The following TTLL9 variants were observed in gnomAD, a reference collection of about 807,000 sequenced individuals.
The protein encoded by TTLL9 is probable tubulin polyglutamylase TTLL9.
A neutral mutation model predicts 65.6 loss-of-function variants in TTLL9; 47 were observed. That is an observed-to-expected ratio of 0.72 (90% CI 0.57 to 0.91). The LOEUF (loss-of-function observed/expected upper bound fraction) is 0.91, where lower values mean the gene tolerates loss of function less well. Among genes scored for constraint, TTLL9 ranks in the 40% least tolerant of loss-of-function variants. TTLL9 has a pLI of 0.00. For synonymous variants in TTLL9, 179 were observed against 204.8 expected (o/e 0.87, Z 1.07); for missense variants, 537 against 568.8 (o/e 0.94, Z 0.57).
intron 2 of TTLL9, among the ~76,000 whole-genome samples, chr20:31,886,640 C>T (rs1050649008): frequency 1.3e-5 from 2 of 152,028 alleles, no homozygotes; most frequent in Non-Finnish European, 2.9e-5. Context: ...GCCAACATGG[C>T]GAAACCCCAT....
intron 7 of TTLL9, among the ~76,000 whole-genome samples, chr20:31,921,061 T>C (rs1316591593): frequency 6.6e-6 from 1 of 152,148 alleles, no homozygotes; most frequent in African/African-American, 2.4e-5. Context: ...AACAGAACTT[T>C]CTAGAGGGAT....
intron 2 of TTLL9, among the ~76,000 whole-genome samples, chr20:31,880,260 C>T (rs562225239): frequency 1.8e-4 from 28 of 152,180 alleles, no homozygotes; most frequent in African/African-American, 6.7e-4. Context: ...CCCGCCTGCC[C>T]GTCCATCCGT....
At chr20:31,927,430 G>A (rs1236421519) in intron 10 of TTLL9, among the ~76,000 whole-genome samples, 4 of 132,654 alleles carry the variant, frequency 3.0e-5, no homozygotes, top group African/African-American at 1.2e-4. Flanking sequence ...GCAGTGAACC[G>A]AGATCACGCC....
At chr20:31,934,623 TA>T in intron 11 of TTLL9, 68 bp from the exon 12 acceptor site, 1 of 1,396,340 alleles carries the variant, frequency 7.2e-7, no homozygotes, top group Non-Finnish European at 9.7e-7. Context: ...AGCAATTGTG[TA>T]AGGGTCCTAG....
chr20:31,938,905 A>G, intron 13 of TTLL9, among the ~76,000 whole-genome samples: 1 of 152,102 alleles, frequency 6.6e-6, no homozygotes, highest in Admixed American at 6.5e-5. Flanking sequence ...AACAAACAAA[A>G]AAAACAAATA....
intron 4 of TTLL9, among the ~76,000 whole-genome samples, chr20:31,898,900 G>C (rs1359961680): frequency 6.6e-6 from 1 of 152,242 alleles, no homozygotes; most frequent in Admixed American, 6.5e-5. Context: ...AGCTACCACA[G>C]ACCTGTGGCC....
chr20:31,934,945 C>T (rs1229556386), intron 12 of TTLL9, 57 bp downstream of exon 12: 7 of 1,523,474 alleles, frequency 4.6e-6, no homozygotes, highest in Non-Finnish European at 6.3e-6. Context: ...GGCACCCAGA[C>T]TGCCCAGGTT....
intron 7 of TTLL9, among the ~76,000 whole-genome samples, chr20:31,922,260 T>G (rs1190165111): frequency 1.3e-5 from 2 of 148,990 alleles, no homozygotes; most frequent in Admixed American, 6.6e-5. Flanking sequence ...GCAAGACTCA[T>G]TCTCAAAAAA....
intron 2 of TTLL9, among the ~76,000 whole-genome samples, chr20:31,880,491 A>G (rs981476534): frequency 2.0e-5 from 3 of 149,474 alleles, no homozygotes; most frequent in Admixed American, 6.7e-5. Flanking sequence ...CCGCACCCCA[A>G]CCGACTTTTT....
chr20:31,918,486 C>T (rs1257304035), intron 6 of TTLL9, among the ~76,000 whole-genome samples: 1 of 152,118 alleles, frequency 6.6e-6, no homozygotes, highest in East Asian at 1.9e-4. Context: ...ATCCTTCCAC[C>T]TCTGCCTCCC....
intron 3 of TTLL9, among the ~76,000 whole-genome samples, chr20:31,890,156 T>TC (rs1404310535): frequency 1.2e-3 from 119 of 99,860 alleles, no homozygotes; most frequent in East Asian, 3.1e-3. Context: ...CTTCCTTCCT[T>TC]CTTTCTTTCT....
rs577906955 is a variant in TTLL9, at chr20:31,899,282, T to C, written c.206+717T>C. On this transcript the variant is annotated intron_variant, in intron 4 of 14. Coordinates refer to ENST00000535842, the MANE Select transcript of TTLL9 (RefSeq NM_001008409.5). Reference sequence around the variant, plus strand: ...GGTCCTTGTTTTTCATAGTCCAAGGTAGAGCTCCAGTCTTGCTTTCACATT... The same window carrying C: ...GGTCCTTGTTTTTCATAGTCCAAGGCAGAGCTCCAGTCTTGCTTTCACATT... Among the ~76,000 whole-genome samples, 4 of 152,280 alleles carry C rather than the reference T, an allele frequency of 2.6e-5. No homozygotes were observed. In the South Asian group the frequency reaches 8.3e-4, roughly 32 times the overall value.
At chr20:31,909,956 G>GCGGC in intron 6 of TTLL9, 34 bp downstream of exon 6, 1 of 658,920 alleles carries the variant, frequency 1.5e-6, no homozygotes, top group Non-Finnish European at 2.8e-6. Context: ...GGGTGGGAGG[G>GCGGC]AATGAGTCCC....
intron 14 of TTLL9, 93 bp from the exon 15 acceptor site, chr20:31,942,852 C>A: frequency 8.0e-7 from 1 of 1,244,116 alleles, no homozygotes; most frequent in South Asian, 1.3e-5. Context: ...CTGACTCCCG[C>A]TGTCCCCTCT....
At position 31,909,898 on chromosome 20, in the gene TTLL9, A is replaced by G; in HGVS notation, c.480A>G (p.Pro160=). 3 of 1,522,888 alleles carry G rather than the reference A, an allele frequency of 2.0e-6. No homozygotes were observed. The highest frequency in any genetic ancestry group is 2.6e-5 in the East Asian group (1 of 38,310). The allele number at this position is 1,522,888 out of a possible 1,614,324, so 94.3% of individuals were successfully genotyped here. A position where few individuals can be genotyped will look rare whatever the true frequency, so the allele number is the denominator to read the frequency against. The change falls in exon 6 of 15, where the codon CCA becomes CCG. Residue 160 remains proline (P), a synonymous_variant. Transcript: ENST00000535842. ...TTGTAGAGGAGTTTCGCAAAAACCC[A>G]GGAATCACCTGGATCATGAAGCCTG... The part of the protein sequence containing the change: ...HLFVEEFRKN[P]GITWIMKPVA...
At chr20:31,919,663 C>A (rs111551479) in intron 6 of TTLL9, among the ~76,000 whole-genome samples, 2 of 152,294 alleles carry the variant, frequency 1.3e-5, no homozygotes, top group East Asian at 3.9e-4. Flanking sequence ...TCAGTCTCCC[C>A]CTTCCCCTCC....
rs570064188 is a variant in TTLL9 at position 31,870,736 on chromosome 20, C to G, written c.-219C>G. On this transcript the variant is annotated 5_prime_UTR_variant, in exon 1 of 15. Transcript: ENST00000535842. This position sits in a 1 kb window ranked among gnomAD's most constrained non-coding sequence, Gnocchi z 6.6. Reference sequence around the variant, plus strand: ...GCGGGGGCCTTACCCCACCCTGGCACCGGCAGGCGCGGGCGGATGGGGGGA... The same window carrying G: ...GCGGGGGCCTTACCCCACCCTGGCAGCGGCAGGCGCGGGCGGATGGGGGGA... The G allele has an allele frequency of 1.2e-3, 643 of 549,590 alleles. 4 individuals are homozygous for G. The highest frequency in any genetic ancestry group is 0.011 in the African/African-American group (581 of 50,576). 34.0% of individuals were successfully genotyped at this position (549,590 alleles called of 1,614,324 possible). A position where few individuals can be genotyped will look rare whatever the true frequency, so the allele number is the denominator to read the frequency against.
At chr20:31,920,067 G>A in intron 7 of TTLL9, 135 bp downstream of exon 7, 1 of 684,630 alleles carries the variant, frequency 1.5e-6, no homozygotes, top group Non-Finnish European at 2.2e-6. Flanking sequence ...ATTGGAGCAG[G>A]GTCTCCAGAG....
intron 13 of TTLL9, among the ~76,000 whole-genome samples, chr20:31,938,591 A>G (rs746041783): frequency 6.6e-6 from 1 of 152,140 alleles, no homozygotes; most frequent in Non-Finnish European, 1.5e-5. Context: ...GAAATCACAA[A>G]TAGCGGCCGG....
Sources: gnomAD v4.1 joint callset for allele counts (sites outside exome capture counted in the v4.1 genomes callset) on GRCh38, gnomAD v4.1.1 for gene constraint, Gnocchi (gnomAD v3.1) non-coding constraint, MANE v1.5 for transcripts, NCBI Gene and HGNC (gene_info 2026-07-23, HGNC 2026-07-21) for gene names.